The following TLN2 variants were observed in gnomAD, a reference collection of about 807,000 sequenced individuals.
The protein encoded by TLN2 is talin-2.
Under a neutral mutation model 294.7 loss-of-function variants are expected in TLN2, and 118 were observed. The ratio of observed to expected loss-of-function variants is 0.40; its 90% CI spans 0.34 to 0.47. The LOEUF (loss-of-function observed/expected upper bound fraction) is 0.47. Among genes scored for constraint, TLN2 ranks in the 20% least tolerant of loss-of-function variants. The pLI is 0.84. For synonymous variants in TLN2, 1,431 were observed against 1,304.5 expected, an observed-to-expected ratio of 1.10 and a Z score of -2.09; for missense variants, 3,083 against 3,282.2, an observed-to-expected ratio of 0.94 and a Z score of 1.48.
intron 32 of TLN2, among the ~76,000 whole-genome samples, chr15:62,742,752 G>A (rs1401281482): frequency 6.6e-6 from 1 of 152,174 alleles, no homozygotes; most frequent in African/African-American, 2.4e-5. Context: ...TGATTGTCTT[G>A]GGATGGAACT....
intron 34 of TLN2, among the ~76,000 whole-genome samples, chr15:62,751,702 ATGTGACCTTCAC>A (rs1018519538): frequency 6.6e-6 from 1 of 152,236 alleles, no homozygotes; most frequent in African/African-American, 2.4e-5. Context: ...GTACCTGCCC[ATGTGACCTTCAC>A]TGTGACCTTG....
chr15:62,686,324 C>T (rs1057377862), intron 11 of TLN2, among the ~76,000 whole-genome samples: 2 of 152,172 alleles, frequency 1.3e-5, no homozygotes, highest in Admixed American at 1.3e-4. Context: ...CTGGAATTCA[C>T]CTTTGCTTGT....
intron 1 of TLN2, among the ~76,000 whole-genome samples, chr15:62,482,466 G>A (rs2038155015): frequency 1.3e-5 from 2 of 151,924 alleles, no homozygotes; most frequent in African/African-American, 2.4e-5. Flanking sequence ...GCCAGGCATG[G>A]TGGCGCATGC....
chr15:62,580,243 A>G (rs2044812923), intron 1 of TLN2, among the ~76,000 whole-genome samples: 2 of 152,210 alleles, frequency 1.3e-5, no homozygotes, highest in Admixed American at 6.5e-5. Context: ...AGTGGGAAGT[A>G]CAGAGAGTTC....
chr15:62,408,039 C>A (rs896018364), intron 1 of TLN2, among the ~76,000 whole-genome samples: 1 of 152,162 alleles, frequency 6.6e-6, no homozygotes, highest in African/African-American at 2.4e-5. Context: ...GTACCCCTGC[C>A]ACCATAGTTG....
At chr15:62,630,246 G>C (rs907713253) in intron 3 of TLN2, among the ~76,000 whole-genome samples, 1 of 152,192 alleles carries the variant, frequency 6.6e-6, no homozygotes, top group Non-Finnish European at 1.5e-5. Flanking sequence ...TTAGGTATCA[G>C]AAGAGAGATC....
chr15:62,569,738 G>T (rs1035960617), intron 1 of TLN2, among the ~76,000 whole-genome samples: 15 of 152,332 alleles, frequency 9.8e-5, no homozygotes, highest in Non-Finnish European at 1.6e-4. Flanking sequence ...GAAATGTTGT[G>T]ATCGTGTAGG....
intron 25 of TLN2, among the ~76,000 whole-genome samples, chr15:62,720,683 ATTC>A (rs2060086560): frequency 7.6e-6 from 1 of 130,806 alleles, no homozygotes; most frequent in African/African-American, 2.8e-5. Flanking sequence ...GTGTGTGTGT[ATTC>A]TTTTAAATTG....
At chr15:62,711,841 G>A in intron 21 of TLN2, 70 bp from the exon 22 acceptor site, 1 of 1,513,556 alleles carries the variant, frequency 6.6e-7, no homozygotes, top group Non-Finnish European at 8.9e-7. Flanking sequence ...CAAGACTGTA[G>A]TGGCTCCTGA....
chr15:62,676,894 C>T (rs760531854), intron 11 of TLN2, among the ~76,000 whole-genome samples: 14 of 152,184 alleles, frequency 9.2e-5, no homozygotes, highest in African/African-American at 1.7e-4. Flanking sequence ...GTATTACAGG[C>T]GTGAGCCACC....
chr15:62,687,889 G>A (rs949799679), intron 12 of TLN2: 2 of 152,156 alleles, frequency 1.3e-5, no homozygotes, highest in Non-Finnish European at 2.9e-5. Flanking sequence ...ATACTTAGCT[G>A]TGTCCTCATC....
In TLN2 at chr15:62,835,893, C is replaced by G. The variant is rs1474532842; in HGVS notation, c.7194C>G (p.Ala2398=). ...ACTTCTCCGTTGACTGTCCCCAGGCCCGGATGGTGGCGGCTGCGACCAGCA... is the reference window on the plus strand; with the variant it reads ...ACTTCTCCGTTGACTGTCCCCAGGCGCGGATGGTGGCGGCTGCGACCAGCA... ...GQWSQGLISA[A]RMVAAATSSL... The change falls in exon 57 of 59, where the codon GCC becomes GCG. Residue 2398 remains alanine, a splice_region_variant and synonymous_variant. Coordinates refer to ENST00000636159, the MANE Select transcript of TLN2 (RefSeq NM_015059.3). 6.2e-7 allele frequency: 1 copy of G among 1,614,168 alleles called. No individual in the cohort carries two copies. Among genetic ancestry groups the G allele is most frequent in the Non-Finnish European group, 8.5e-7 (1 of 1,180,030 alleles).
At chr15:62,689,568 T>C (rs1446109353) in intron 12 of TLN2, among the ~76,000 whole-genome samples, 1 of 152,144 alleles carries the variant, frequency 6.6e-6, no homozygotes, top group African/African-American at 2.4e-5. Flanking sequence ...GTACATCTGC[T>C]AGCAACAAAT....
intron 1 of TLN2, among the ~76,000 whole-genome samples, chr15:62,481,473 C>T (rs2038086486): frequency 6.6e-6 from 1 of 152,198 alleles, no homozygotes; most frequent in Non-Finnish European, 1.5e-5. Context: ...AACGATTGTC[C>T]TGCCTCAGCT....
chr15:62,391,585 G>C (rs570409717), intron 1 of TLN2, among the ~76,000 whole-genome samples: 13 of 152,372 alleles, frequency 8.5e-5, no homozygotes, highest in Admixed American at 7.8e-4. Context: ...CTGGGTCCCG[G>C]GGAGAGCCCC....
intron 1 of TLN2, among the ~76,000 whole-genome samples, chr15:62,462,961 C>A (rs2036891939): frequency 6.6e-6 from 1 of 152,172 alleles, no homozygotes; most frequent in African/African-American, 2.4e-5. Context: ...AAGGACAGCG[C>A]CAAACTCTCT....
intron 1 of TLN2, among the ~76,000 whole-genome samples, chr15:62,455,862 C>T (rs1595846750): frequency 6.6e-6 from 1 of 152,198 alleles, no homozygotes; most frequent in East Asian, 1.9e-4. Flanking sequence ...CCCTTCTCTA[C>T]CGCCGCCACC....
intron 1 of TLN2, among the ~76,000 whole-genome samples, chr15:62,572,451 G>A (rs140651391): frequency 0.012 from 1,779 of 152,178 alleles, 11 homozygotes; most frequent in Middle Eastern, 0.034. Context: ...TCACTCTGTT[G>A]CCCAGGCTGG....
chr15:62,425,665 T>A (rs999973982), intron 1 of TLN2, among the ~76,000 whole-genome samples: 1 of 152,220 alleles, frequency 6.6e-6, no homozygotes, highest in Non-Finnish European at 1.5e-5. Context: ...TTCTGTTGTA[T>A]GAGTGGTTTG....
Sources: allele counts gnomAD v4.1 joint callset (sites outside exome capture counted in the v4.1 genomes callset), GRCh38; gene constraint gnomAD v4.1.1; transcripts MANE v1.5; gene names NCBI Gene and HGNC (gene_info 2026-07-23, HGNC 2026-07-21).